Variants in TAOK3 observed in about 807,000 individuals in gnomAD.
TAOK3 encodes TAO kinase 3.
TAOK3 carries 40 observed loss-of-function variants against 120.4 expected under a neutral mutation model. The observed-to-expected ratio is 0.33, with a 90% CI of 0.26 to 0.43. The LOEUF (loss-of-function observed/expected upper bound fraction) is 0.43, where lower values mean the gene tolerates loss of function less well. Among genes scored for constraint, TAOK3 ranks in the 20% least tolerant of loss-of-function variants. The pLI is 1.00. For synonymous variants in TAOK3, 355 were observed against 387.5 expected (o/e 0.92, Z 0.99); for missense variants, 821 against 1,112.1 (o/e 0.74, Z 3.72).
At chr12:118,165,916 G>A (rs2035549271) in intron 17 of TAOK3, among the ~76,000 whole-genome samples, 1 of 152,140 alleles carries the variant, frequency 6.6e-6, no homozygotes, top group Non-Finnish European at 1.5e-5. Context: ...CCTTTAATTT[G>A]TACATCTGAG....
At chr12:118,327,869 A>C (rs2140998634) in intron 1 of TAOK3, among the ~76,000 whole-genome samples, 1 of 152,278 alleles carries the variant, frequency 6.6e-6, no homozygotes, top group Non-Finnish European at 1.5e-5. Context: ...CTATTATATA[A>C]AACTGACTAT....
chr12:118,371,321 G>A lies in TAOK3; in HGVS notation c.-194+1327C>T, dbSNP rs1406362182. Among the ~76,000 whole-genome samples the A allele has an allele frequency of 6.6e-6, 1 of 152,162 alleles. No homozygotes were observed. The highest frequency in any genetic ancestry group is 1.5e-5 in the Non-Finnish European group (1 of 68,028). ...ACTTTTCACCTGACCTTTTCATTAA[G>A]ATCAGGAAGCCCCTCGCTTTCAAGA... is the stretch of plus-strand genomic sequence containing the variant. On this transcript the variant is annotated intron_variant, in intron 1 of 20. Coordinates refer to ENST00000392533, the MANE Select transcript of TAOK3 (RefSeq NM_016281.4). The surrounding 1 kb of genome is among the most constrained non-coding windows in gnomAD (Gnocchi z 5.5).
intron 8 of TAOK3, among the ~76,000 whole-genome samples, chr12:118,234,477 C>T (rs774286653): frequency 3.9e-4 from 60 of 152,106 alleles, no homozygotes; most frequent in Non-Finnish European, 7.1e-4. Context: ...ATCTCCTGAC[C>T]TCGTGATCCA....
At chr12:118,334,720 C>T (rs981347609) in intron 1 of TAOK3, among the ~76,000 whole-genome samples, 2 of 148,136 alleles carry the variant, frequency 1.4e-5, no homozygotes, top group Admixed American at 6.7e-5. Context: ...ACTAAACATA[C>T]AAAAAATTAG....
intron 16 of TAOK3, among the ~76,000 whole-genome samples, chr12:118,176,405 A>G (rs927464065): frequency 6.6e-6 from 1 of 152,096 alleles, no homozygotes; most frequent in East Asian, 1.9e-4. Flanking sequence ...CTGTGTAGGG[A>G]CTTCTAGGAT....
intron 1 of TAOK3, among the ~76,000 whole-genome samples, chr12:118,334,127 C>A: frequency 7.9e-6 from 1 of 125,846 alleles, no homozygotes. Flanking sequence ...AAGAGCAAAA[C>A]TCCCATCTCC....
intron 13 of TAOK3, among the ~76,000 whole-genome samples, chr12:118,197,644 T>C (rs565122695): frequency 5.8e-4 from 88 of 151,520 alleles, no homozygotes; most frequent in African/African-American, 2.0e-3. Flanking sequence ...TCAGCACTCA[T>C]GATCACTCCC....
At chr12:118,262,551 G>A (rs1431550308) in intron 2 of TAOK3, among the ~76,000 whole-genome samples, 1 of 151,984 alleles carries the variant, frequency 6.6e-6, no homozygotes. Context: ...ATATGGCCGG[G>A]TGCGGTGGCT....
chr12:118,234,808 C>G (rs186995948), intron 8 of TAOK3, among the ~76,000 whole-genome samples: 1 of 152,142 alleles, frequency 6.6e-6, no homozygotes, highest in Admixed American at 6.5e-5. Flanking sequence ...TACAAAAACC[C>G]TAGGTTGTAG....
chr12:118,160,518 C>T lies in TAOK3; in HGVS notation c.2140-160G>A, dbSNP rs1056882384. Reference sequence around the variant, plus strand: ...AATCAAGCAGTATGTATGACACAGACAAAAGTTAACTCTACCTGTACTTTT... The same window carrying T: ...AATCAAGCAGTATGTATGACACAGATAAAAGTTAACTCTACCTGTACTTTT... On this transcript the variant is annotated intron_variant, in intron 18 of 20. Coordinates refer to ENST00000392533, the MANE Select transcript of TAOK3 (RefSeq NM_016281.4). The surrounding 1 kb of genome is among the most constrained non-coding windows in gnomAD (Gnocchi z 4.2). Among the ~76,000 whole-genome samples the T allele has an allele frequency of 4.6e-5, 7 of 152,142 alleles. No homozygotes were observed. The highest frequency in any genetic ancestry group is 1.7e-4 in the African/African-American group (7 of 41,420).
In TAOK3 at chr12:118,160,404, A is replaced by T; in HGVS notation, c.2140-46T>A. 1 of 1,501,416 alleles carries T rather than the reference A, an allele frequency of 6.7e-7. No homozygotes were observed. The highest frequency in any genetic ancestry group is 9.2e-7 in the Non-Finnish European group (1 of 1,083,956). 93.0% of individuals were successfully genotyped at this position (1,501,416 alleles called of 1,614,324 possible). On this transcript the variant is annotated intron_variant, in intron 18 of 20. Coordinates refer to ENST00000392533, the MANE Select transcript of TAOK3 (RefSeq NM_016281.4). This position sits in a 1 kb window ranked among gnomAD's most constrained non-coding sequence, Gnocchi z 4.2. ...AGGAAAAATAAAGGCACATCAGTAA[A>T]TACAGAAAGCCTTCTACCATAATGA...
chr12:118,338,786 CAAAAAAAAAAAAAAAAA>C (rs71069438), intron 1 of TAOK3, among the ~76,000 whole-genome samples: 513 of 49,896 alleles, frequency 0.01, 8 homozygotes, highest in African/African-American at 0.032. Flanking sequence ...GACTCCGTCT[CAAAAAAAAAAAAAAAAA>C]AAAAAAAAAA....
At chr12:118,199,523 A>G in intron 12 of TAOK3, 1 of 500,894 alleles carries the variant, frequency 2.0e-6, no homozygotes, top group Non-Finnish European at 3.6e-6. Context: ...CCCCTGTCAT[A>G]CACACTATCA....
At chr12:118,222,800 A>T (rs1221040667) in intron 9 of TAOK3, among the ~76,000 whole-genome samples, 1 of 152,150 alleles carries the variant, frequency 6.6e-6, no homozygotes, top group Non-Finnish European at 1.5e-5. Context: ...GGGGTGTGGG[A>T]TAAAAGACTA....
chr12:118,207,579 A>G (rs1726390), intron 11 of TAOK3, among the ~76,000 whole-genome samples: 106,415 of 151,884 alleles, frequency 0.7, 37,306 homozygotes, highest in South Asian at 0.72. Flanking sequence ...CATAGGCTGT[A>G]TGCAGTGGCT....
chr12:118,217,512 C>G (rs1367262129), intron 9 of TAOK3, among the ~76,000 whole-genome samples: 3 of 151,544 alleles, frequency 2.0e-5, no homozygotes, highest in South Asian at 2.1e-4. Flanking sequence ...ATGGTAAAAC[C>G]CTGTCTCTAC....
intron 11 of TAOK3, 106 bp downstream of exon 11, chr12:118,212,808 G>A (rs549199618): frequency 8.6e-5 from 62 of 718,546 alleles, no homozygotes; most frequent in African/African-American, 7.2e-4. Flanking sequence ...AAGGCAGCAC[G>A]TCCTAAACCA....
At chr12:118,223,062 C>CTTTTTTTTTTTTTT (rs75334511) in intron 9 of TAOK3, among the ~76,000 whole-genome samples, 39 of 120,100 alleles carry the variant, frequency 3.2e-4, no homozygotes, top group African/African-American at 6.0e-4. Flanking sequence ...TTCTTTCTTT[C>CTTTTTTTTTTTTTT]TTTTTTTTTT....
intron 3 of TAOK3, chr12:118,246,530 C>A (rs1046122969): frequency 2.6e-6 from 4 of 1,547,322 alleles, no homozygotes; most frequent in Non-Finnish European, 2.6e-6. Flanking sequence ...AGGTGGCCAC[C>A]GCCATCCGTG....
Sources: gnomAD v4.1 joint callset for allele counts (sites outside exome capture counted in the v4.1 genomes callset) on GRCh38, gnomAD v4.1.1 for gene constraint, Gnocchi (gnomAD v3.1) non-coding constraint, MANE v1.5 for transcripts, NCBI Gene and HGNC (gene_info 2026-07-23, HGNC 2026-07-21) for gene names.